CDH13: variants seen among roughly 807,000 people sequenced by gnomAD.
CDH13 encodes cadherin-13.
Under a neutral mutation model 63.8 loss-of-function variants are expected in CDH13, and 24 were observed. The ratio of observed to expected loss-of-function variants is 0.38; its 90% CI spans 0.27 to 0.53. The LOEUF (loss-of-function observed/expected upper bound fraction) is 0.53. CDH13 is among the 20% of genes least tolerant of loss of function. The pLI is 0.85. For synonymous variants in CDH13, 503 were observed against 355.3 expected, an observed-to-expected ratio of 1.42 and a Z score of -4.67; for missense variants, 1,049 against 903.1, an observed-to-expected ratio of 1.16 and a Z score of -2.07.
At chr16:83,439,131 C>T (rs1231477998) in intron 6 of CDH13, among the ~76,000 whole-genome samples, 2 of 152,166 alleles carry the variant, frequency 1.3e-5, no homozygotes, top group Non-Finnish European at 2.9e-5. Context: ...TCTGAACCTC[C>T]ATTTCTTCAA....
At chr16:83,333,509 C>A (rs1435827137) in intron 5 of CDH13, among the ~76,000 whole-genome samples, 1 of 152,042 alleles carries the variant, frequency 6.6e-6, no homozygotes, top group Non-Finnish European at 1.5e-5. Flanking sequence ...GAAATCTTGA[C>A]CTGTGACGAG....
chr16:83,345,444 C>A (rs1302787770), intron 6 of CDH13, among the ~76,000 whole-genome samples: 1 of 152,174 alleles, frequency 6.6e-6, no homozygotes, highest in African/African-American at 2.4e-5. Flanking sequence ...GGACTTCTTC[C>A]CTTCCCTTAG....
chr16:82,646,681 T>G (rs1597210080), intron 1 of CDH13, among the ~76,000 whole-genome samples: 1 of 152,134 alleles, frequency 6.6e-6, no homozygotes, highest in East Asian at 1.9e-4. Flanking sequence ...GAGGTGCATC[T>G]TGTCATCATC....
chr16:83,429,675 A>G (rs939654235), intron 6 of CDH13, among the ~76,000 whole-genome samples: 7 of 152,230 alleles, frequency 4.6e-5, no homozygotes, highest in Non-Finnish European at 1.0e-4. Flanking sequence ...TTTCCTTAGA[A>G]CTTGTGCTCT....
At position 83,087,671 on chromosome 16, in the gene CDH13, CAAAA is replaced by C. The variant is rs67228844; in HGVS notation, c.367-37691_367-37688del. On this transcript the variant is annotated intron_variant, in intron 3 of 13. Coordinates refer to ENST00000567109, the MANE Select transcript of CDH13 (RefSeq NM_001257.5). ...CGACGAAGCAAGACTCCCTCCGTCT[CAAAA>C]AAAAAAAAAAAAAAAAAAAAAAGCC... Among the ~76,000 whole-genome samples, 224 of 43,954 alleles carry C rather than the reference CAAAA, an allele frequency of 5.1e-3. 1 individual carries two copies. The highest frequency in any genetic ancestry group is 1.0e-2 in the African/African-American group (114 of 11,422). The allele number at this position is 43,954 out of a possible 152,430, so 28.8% of individuals were successfully genotyped here. A position where few individuals can be genotyped will look rare whatever the true frequency, so the allele number is the denominator to read the frequency against.
At chr16:83,598,566 T>C (rs1031353161) in intron 7 of CDH13, among the ~76,000 whole-genome samples, 4 of 152,200 alleles carry the variant, frequency 2.6e-5, no homozygotes, top group Non-Finnish European at 5.9e-5. Flanking sequence ...TTGATCATAG[T>C]GTTATTGCAA....
chr16:82,812,335 C>T (rs1471156791), intron 1 of CDH13, among the ~76,000 whole-genome samples: 1 of 152,104 alleles, frequency 6.6e-6, no homozygotes, highest in African/African-American at 2.4e-5. Flanking sequence ...AGCTTGCATC[C>T]TATTTGAAAC....
At chr16:83,643,291 A>T (rs1911470220) in intron 8 of CDH13, among the ~76,000 whole-genome samples, 1 of 40,128 alleles carries the variant, frequency 2.5e-5, no homozygotes, top group Non-Finnish European at 4.3e-5. Flanking sequence ...AATAAAAAAA[A>T]AAAAAAAAAA....
At chr16:83,507,252 G>C (rs1312164817) in intron 7 of CDH13, among the ~76,000 whole-genome samples, 1 of 152,132 alleles carries the variant, frequency 6.6e-6, no homozygotes, top group Non-Finnish European at 1.5e-5. Flanking sequence ...TTTTATTACA[G>C]TCTCTCTCCT....
chr16:82,887,453 C>G (rs891145359), intron 2 of CDH13, among the ~76,000 whole-genome samples: 8 of 152,302 alleles, frequency 5.3e-5, no homozygotes, highest in Middle Eastern at 3.4e-3. Flanking sequence ...GGAGGACTGC[C>G]TTTTCCACCC....
At chr16:82,894,613 G>T (rs1312534702) in intron 2 of CDH13, among the ~76,000 whole-genome samples, 1 of 152,186 alleles carries the variant, frequency 6.6e-6, no homozygotes. Flanking sequence ...CTGCACTCCA[G>T]CCTGGGCAAC....
rs567405145 is a variant in CDH13, at chr16:83,680,776, A to C, written c.1538+2315A>C. Among the ~76,000 whole-genome samples, 15 of 152,204 alleles carry C rather than the reference A, an allele frequency of 9.9e-5. No homozygotes were observed. The South Asian group carries it at 3.1e-3, about 32-fold the overall frequency. On this transcript the variant is annotated intron_variant, in intron 10 of 13. Coordinates refer to ENST00000567109, the MANE Select transcript of CDH13 (RefSeq NM_001257.5). ...CACAAATGACTAGTACCCAACTCAC[A>C]GTGACTTATGCCAAAAGGGGTCCTG...
At chr16:83,292,662 T>C (rs2089492759) in intron 5 of CDH13, among the ~76,000 whole-genome samples, 7 of 152,128 alleles carry the variant, frequency 4.6e-5, no homozygotes, top group Admixed American at 4.6e-4. Context: ...TAAAAATGAT[T>C]ACAAATATTT....
At chr16:83,144,605 G>C (rs1407159388) in intron 4 of CDH13, among the ~76,000 whole-genome samples, 2 of 152,228 alleles carry the variant, frequency 1.3e-5, no homozygotes, top group Non-Finnish European at 2.9e-5. Flanking sequence ...GAGGTGTGAT[G>C]ATTATACTAT....
chr16:83,410,840 A>T (rs2092115905), intron 6 of CDH13, among the ~76,000 whole-genome samples: 2 of 152,200 alleles, frequency 1.3e-5, no homozygotes, highest in Admixed American at 1.3e-4. Context: ...GCCCACTAAC[A>T]ACTGCCAAAT....
chr16:83,788,089 G>A (rs1353583857), intron 13 of CDH13, among the ~76,000 whole-genome samples: 1 of 152,214 alleles, frequency 6.6e-6, no homozygotes, highest in Non-Finnish European at 1.5e-5. Context: ...ATGTTTGTGT[G>A]CACGCACGTG....
chr16:83,705,000 T>TA (rs1284553122), intron 10 of CDH13, among the ~76,000 whole-genome samples: 1 of 152,238 alleles, frequency 6.6e-6, no homozygotes, highest in African/African-American at 2.4e-5. Flanking sequence ...CATCCAAGAA[T>TA]AAGTTATCTC....
chr16:83,156,847 G>C (rs2151704058), intron 4 of CDH13, among the ~76,000 whole-genome samples: 1 of 152,304 alleles, frequency 6.6e-6, no homozygotes, highest in East Asian at 1.9e-4. Context: ...GCCATCAGTA[G>C]ATAGGCTCAT....
intron 6 of CDH13, among the ~76,000 whole-genome samples, chr16:83,460,401 A>G (rs1270529514): frequency 6.6e-6 from 1 of 152,210 alleles, no homozygotes; most frequent in East Asian, 1.9e-4. Context: ...ATTCTCATTT[A>G]TGCCCCTGGG....
Sources: allele counts gnomAD v4.1 joint callset (sites outside exome capture counted in the v4.1 genomes callset), GRCh38; gene constraint gnomAD v4.1.1; transcripts MANE v1.5; gene names NCBI Gene and HGNC (gene_info 2026-07-23, HGNC 2026-07-21).